Variants in CFAP20DC observed in about 807,000 individuals in gnomAD.
CFAP20DC encodes the protein protein CFAP20DC.
A neutral mutation model predicts 101.7 loss-of-function variants in CFAP20DC; 84 were observed. That is an observed-to-expected ratio of 0.83 (90% confidence interval 0.69 to 0.99). The LOEUF (loss-of-function observed/expected upper bound fraction) is 0.99, where lower values mean the gene tolerates loss of function less well. Ranked by LOEUF, CFAP20DC falls within the 50% of genes least tolerant of loss-of-function variation. The pLI is 0.00. For synonymous variants in CFAP20DC, 359 were observed against 351.2 expected (o/e 1.02, Z -0.25); for missense variants, 1,007 against 970.3 (o/e 1.04, Z -0.50).
rs1451661715 is a variant in CFAP20DC at position 59,001,433 on chromosome 3, T to C, written c.278+38124A>G. 6.6e-6 allele frequency among the ~76,000 whole-genome samples: 1 copy of C among 152,122 alleles called. No homozygotes were observed. The highest frequency in any genetic ancestry group is 2.4e-5 in the African/African-American group (1 of 41,426). On this transcript the variant is annotated intron_variant, in intron 4 of 16. Transcript: ENST00000482387. The surrounding 1 kb of genome is among the most constrained non-coding windows in gnomAD (Gnocchi z 4.5). The stretch of plus-strand genomic sequence containing the variant: ...CCTTCTCTCTCTCCTCTCTTAAGTT[T>C]CACACTTATTGTCCAGGCTGGAGTG...
chr3:58,755,560 G>A (rs997194246), intron 15 of CFAP20DC, among the ~76,000 whole-genome samples: 2 of 152,188 alleles, frequency 1.3e-5, no homozygotes, highest in Non-Finnish European at 2.9e-5. Context: ...TGGGGAAAGT[G>A]TAGGTGGGAG....
chr3:59,008,842 C>T (rs558967465), intron 4 of CFAP20DC, among the ~76,000 whole-genome samples: 5 of 151,634 alleles, frequency 3.3e-5, no homozygotes, highest in Non-Finnish European at 7.4e-5. Flanking sequence ...CACATGTACC[C>T]TAAAACTTAA....
intron 15 of CFAP20DC, among the ~76,000 whole-genome samples, chr3:58,754,735 G>T (rs114159389): frequency 0.012 from 1,856 of 152,262 alleles, 41 homozygotes; most frequent in African/African-American, 0.042. Context: ...ATGGGAGACA[G>T]TTCTAGACAA....
intron 4 of CFAP20DC, among the ~76,000 whole-genome samples, chr3:58,983,022 G>A (rs2092626017): frequency 6.6e-6 from 1 of 152,102 alleles, no homozygotes; most frequent in African/African-American, 2.4e-5. Flanking sequence ...TGCAGATGAA[G>A]AGGGTCTGAA....
At chr3:58,731,796 AG>A (rs764753900) in intron 3 of CFAP20DC, among the ~76,000 whole-genome samples, 3 of 152,208 alleles carry the variant, frequency 2.0e-5, no homozygotes, top group Non-Finnish European at 4.4e-5. Context: ...ACAACTAAGC[AG>A]GAAGAAAGGC....
chr3:58,764,185 C>T (rs1323728701), intron 15 of CFAP20DC, among the ~76,000 whole-genome samples: 1 of 152,206 alleles, frequency 6.6e-6, no homozygotes, highest in African/African-American at 2.4e-5. Flanking sequence ...GGGCTCCACC[C>T]AGTTTGAGCT....
At chr3:58,989,160 A>G (rs2092850863) in intron 4 of CFAP20DC, among the ~76,000 whole-genome samples, 1 of 152,004 alleles carries the variant, frequency 6.6e-6, no homozygotes. Context: ...TTTTTCTTTT[A>G]GAGATTTACT....
At chr3:58,982,286 T>G (rs2092583814) in intron 4 of CFAP20DC, among the ~76,000 whole-genome samples, 1 of 152,138 alleles carries the variant, frequency 6.6e-6, no homozygotes, top group Non-Finnish European at 1.5e-5. Flanking sequence ...TGTAAACCAT[T>G]TTGGAAGTCA....
intron 15 of CFAP20DC, among the ~76,000 whole-genome samples, chr3:58,758,978 A>C (rs1420432635): frequency 2.0e-5 from 3 of 152,196 alleles, no homozygotes; most frequent in Non-Finnish European, 4.4e-5. Context: ...TGCTATTGTG[A>C]ATAGTGCTGC....
intron 6 of CFAP20DC, among the ~76,000 whole-genome samples, chr3:58,891,469 G>T (rs1157070194): frequency 1.4e-4 from 9 of 64,446 alleles, no homozygotes; most frequent in Non-Finnish European, 2.4e-4. Flanking sequence ...GGGAGAGGGA[G>T]AGAGCTTTTT....
intron 14 of CFAP20DC, among the ~76,000 whole-genome samples, chr3:58,816,236 C>T (rs1480408339): frequency 1.3e-5 from 2 of 152,134 alleles, no homozygotes; most frequent in African/African-American, 4.8e-5. Flanking sequence ...TGGAAATCAT[C>T]ATTCTCAGTA....
rs2084367196 is a variant in CFAP20DC at position 58,913,586 on chromosome 3, C to A, written c.550+122G>T. The A allele has an allele frequency of 2.1e-6, 2 of 960,338 alleles. No individual in the cohort carries two copies. Among genetic ancestry groups the A allele is most frequent in the African/African-American group, 1.6e-5 (1 of 61,532 alleles). The allele number at this position is 960,338 out of a possible 1,614,324, so 59.5% of individuals were successfully genotyped here. ...ACAAAGAAATCAGCATGACTGTTGA[C>A]AAATTTACTTTAGCAGACATAACAT... is the stretch of plus-strand genomic sequence containing the variant. On this transcript the variant is annotated intron_variant, in intron 6 of 16. Transcript: ENST00000482387. The surrounding 1 kb of genome is among the most constrained non-coding windows in gnomAD (Gnocchi z 4.4).
At chr3:58,858,278 C>T (rs1425679320) in intron 12 of CFAP20DC, among the ~76,000 whole-genome samples, 1 of 152,104 alleles carries the variant, frequency 6.6e-6, no homozygotes, top group African/African-American at 2.4e-5. Flanking sequence ...CAGTCACGCC[C>T]CAGTGCCAGG....
intron 15 of CFAP20DC, among the ~76,000 whole-genome samples, chr3:58,771,572 G>A (rs2070851253): frequency 6.6e-6 from 1 of 151,982 alleles, no homozygotes; most frequent in African/African-American, 2.4e-5. Context: ...AAGACCATTG[G>A]GAAACAGTAG....
At chr3:58,781,226 T>C (rs1182258678) in intron 15 of CFAP20DC, among the ~76,000 whole-genome samples, 1 of 151,632 alleles carries the variant, frequency 6.6e-6, no homozygotes, top group Non-Finnish European at 1.5e-5. Flanking sequence ...AAATAAAACA[T>C]TTCTTGAAAA....
intron 6 of CFAP20DC, among the ~76,000 whole-genome samples, chr3:58,900,759 A>G (rs1390207269): frequency 1.3e-5 from 2 of 152,124 alleles, no homozygotes; most frequent in Non-Finnish European, 2.9e-5. Flanking sequence ...TGCTCCCAAT[A>G]TGAGGTAGTG....
intron 4 of CFAP20DC, among the ~76,000 whole-genome samples, chr3:59,021,743 C>T (rs1311466472): frequency 2.0e-5 from 3 of 151,896 alleles, no homozygotes; most frequent in Non-Finnish European, 4.4e-5. Context: ...GTATACAGAA[C>T]GAAACTGAAG....
chr3:58,785,744 C>T (rs949114737), intron 15 of CFAP20DC, among the ~76,000 whole-genome samples: 24 of 152,104 alleles, frequency 1.6e-4, no homozygotes, highest in African/African-American at 5.3e-4. Context: ...AATATGCTTC[C>T]GTGACCTAAA....
At chr3:58,934,335 C>A (rs892845160) in intron 5 of CFAP20DC, among the ~76,000 whole-genome samples, 8 of 152,124 alleles carry the variant, frequency 5.3e-5, no homozygotes, top group Non-Finnish European at 1.2e-4. Flanking sequence ...CCGAATTCTA[C>A]CAGAGGTACA....
Sources: gnomAD v4.1 joint callset for allele counts (sites outside exome capture counted in the v4.1 genomes callset) on GRCh38, gnomAD v4.1.1 for gene constraint, Gnocchi (gnomAD v3.1) non-coding constraint, MANE v1.5 for transcripts, NCBI Gene and HGNC (gene_info 2026-07-23, HGNC 2026-07-21) for gene names.